SAR1B: variants seen among roughly 807,000 people sequenced by gnomAD.
SAR1B encodes the protein small COPII coat GTPase SAR1B.
Under a neutral mutation model 26.8 loss-of-function variants are expected in SAR1B, and 23 were observed. That is an observed-to-expected ratio of 0.86 (90% CI 0.62 to 1.22). The LOEUF (loss-of-function observed/expected upper bound fraction) is 1.22, where lower values mean the gene tolerates loss of function less well. Among genes scored for constraint, SAR1B ranks in the 50% most tolerant of loss-of-function variants. The probability of loss-of-function intolerance (pLI) is 0.00; values close to 1 mark genes in which losing one functional copy is unlikely to be tolerated. For missense variants in SAR1B, 196 were observed against 232.8 expected (o/e 0.84, Z 1.03); for synonymous variants, 65 against 80.8 (o/e 0.80, Z 1.05).
Position 134,617,793 on chromosome 5 carries a change from T to A in SAR1B, c.178+3140A>T, listed in dbSNP as rs994227398. Among the ~76,000 whole-genome samples the A allele has an allele frequency of 2.6e-5, 4 of 152,140 alleles. No homozygotes were observed. In the East Asian group the frequency reaches 7.7e-4, roughly 29 times the overall value. ...GCCTCCCGGGTTCAAGCAATTCTCC[T>A]GTCTCTGCCTCCCGAGTAGGTGGAA... On this transcript the variant is annotated intron_variant, in intron 3 of 6. Coordinates refer to ENST00000402673, the MANE Select transcript of SAR1B (RefSeq NM_016103.4).
Position 134,612,680 on chromosome 5 carries a change from A to AAAAAAT in SAR1B, c.244+10_244+11insATTTTT. 1.8e-5 allele frequency: 19 copies of AAAAAAT among 1,043,370 alleles called. No homozygotes were observed. The highest frequency in any genetic ancestry group is 2.4e-5 in the Non-Finnish European group (18 of 760,576). 64.6% of individuals were successfully genotyped at this position (1,043,370 alleles called of 1,614,324 possible). A position where few individuals can be genotyped will look rare whatever the true frequency, so the allele number is the denominator to read the frequency against. ...AAAAAAAAAAAAAAAAAAAAAAAAA[A>AAAAAAT]AGAATCTTACCTTGAACATGTCCAC... is the stretch of plus-strand genomic sequence containing the variant. On this transcript the variant is annotated intron_variant, in intron 4 of 6. Transcript: ENST00000402673.
At chr5:134,629,920 C>T (rs936927663) in intron 1 of SAR1B, among the ~76,000 whole-genome samples, 2 of 149,758 alleles carry the variant, frequency 1.3e-5, no homozygotes, top group Non-Finnish European at 3.0e-5. Flanking sequence ...AAAAAGAAAA[C>T]GAAGGATAAA....
In SAR1B at chr5:134,603,979, C is replaced by T. The variant is rs958627787; in HGVS notation, c.*2971G>A. The T allele has an allele frequency of 6.6e-6, 1 of 152,158 alleles. No individual in the cohort carries two copies. Among genetic ancestry groups the T allele is most frequent in the Non-Finnish European group, 1.5e-5 (1 of 68,034 alleles). 9.4% of individuals were successfully genotyped at this position (152,158 alleles called of 1,614,324 possible). On this transcript the variant is annotated 3_prime_UTR_variant, in exon 7 of 7. Transcript: ENST00000402673. ...AGTATCTGTGTTCATATATCTTTGG[C>T]ACTCATACAAAGATACTGGTTTAAA...
At chr5:134,607,570 C>G (rs570328390) in intron 6 of SAR1B, among the ~76,000 whole-genome samples, 1 of 151,846 alleles carries the variant, frequency 6.6e-6, no homozygotes, top group East Asian at 1.9e-4. Context: ...GTCAGGAGTT[C>G]GAGACCAGAC....
In SAR1B at chr5:134,606,891, A is replaced by G. The variant is rs1765136450; in HGVS notation, c.*59T>C. 9.5e-7 allele frequency: 1 copy of G among 1,052,250 alleles called. No individual in the cohort carries two copies. The highest frequency in any genetic ancestry group is 1.3e-5 in the South Asian group (1 of 79,666). 65.2% of individuals were successfully genotyped at this position (1,052,250 alleles called of 1,614,324 possible). A position where few individuals can be genotyped will look rare whatever the true frequency, so the allele number is the denominator to read the frequency against. On this transcript the variant is annotated 3_prime_UTR_variant, in exon 7 of 7. Coordinates refer to ENST00000402673, the MANE Select transcript of SAR1B (RefSeq NM_016103.4). ...TATTGAATTCAAGTTATGCATGTTG[A>G]GCAATCAAATCTCTGAGTAAGCCTG...
chr5:134,617,113 T>A (rs909930739), intron 3 of SAR1B, among the ~76,000 whole-genome samples: 34 of 152,110 alleles, frequency 2.2e-4, no homozygotes, highest in African/African-American at 8.0e-4. Context: ...GTGCCTGTAG[T>A]TCGAGCTACT....
intron 3 of SAR1B, 168 bp from the exon 4 acceptor site, chr5:134,612,924 AAAT>A: frequency 1.6e-6 from 1 of 614,520 alleles, no homozygotes; most frequent in Non-Finnish European, 2.9e-6. Context: ...TAACATTCTT[AAAT>A]ATCTGCCAGC....
intron 6 of SAR1B, among the ~76,000 whole-genome samples, chr5:134,607,989 C>T (rs899831829): frequency 6.6e-6 from 1 of 152,082 alleles, no homozygotes; most frequent in African/African-American, 2.4e-5. Context: ...GTTCAGAAAA[C>T]CGTAAAATAT....
At chr5:134,612,934 C>T (rs760918923) in intron 3 of SAR1B, 178 bp from the exon 4 acceptor site, 24 of 599,088 alleles carry the variant, frequency 4.0e-5, no homozygotes, top group Non-Finnish European at 5.6e-5. Context: ...AAATATCTGC[C>T]AGCCGTAATA....
chr5:134,630,778 CAAAAAAA>C (rs772159748), intron 1 of SAR1B, among the ~76,000 whole-genome samples: 1 of 59,264 alleles, frequency 1.7e-5, no homozygotes, highest in African/African-American at 6.3e-5. Context: ...GACTCCGTCT[CAAAAAAA>C]AAAAAAAAGA....
Position 134,604,707 on chromosome 5 carries a change from AAGATATATTACACC to A in SAR1B, c.*2229_*2242del, listed in dbSNP as rs1249713698. 1.3e-5 allele frequency: 2 copies of A among 152,214 alleles called. No homozygotes were observed. Among genetic ancestry groups the A allele is most frequent in the African/African-American group, 2.4e-5 (1 of 41,456 alleles). 9.4% of individuals were successfully genotyped at this position (152,214 alleles called of 1,614,324 possible). A position where few individuals can be genotyped will look rare whatever the true frequency, so the allele number is the denominator to read the frequency against. On this transcript the variant is annotated 3_prime_UTR_variant, in exon 7 of 7. Coordinates refer to ENST00000402673, the MANE Select transcript of SAR1B (RefSeq NM_016103.4). ...ACAATTAGAATGAGGGTTCTGGAGC[AAGATATATTACACC>A]AGAAAGCATTTTTCCTGGCTAGAGA... is the stretch of plus-strand genomic sequence containing the variant.
chr5:134,617,452 T>C (rs1765332827), intron 3 of SAR1B, among the ~76,000 whole-genome samples: 1 of 152,144 alleles, frequency 6.6e-6, no homozygotes, highest in Non-Finnish European at 1.5e-5. Flanking sequence ...ATGCTTTTGA[T>C]TAATTAAAAA....
At chr5:134,623,131 A>AG (rs1765440591) in intron 2 of SAR1B, among the ~76,000 whole-genome samples, 1 of 148,166 alleles carries the variant, frequency 6.7e-6, no homozygotes, top group Non-Finnish European at 1.5e-5. Flanking sequence ...CAAAAAAAAA[A>AG]AAAAAGAAAA....
At chr5:134,627,801 A>AAAATAAATAAATAAATAAAT (rs199626448) in intron 1 of SAR1B, among the ~76,000 whole-genome samples, 2 of 134,522 alleles carry the variant, frequency 1.5e-5, no homozygotes, top group East Asian at 2.3e-4. Context: ...TCCATCCCAA[A>AAAATAAATAAATAAATAAAT]AAATAAATAA....
intron 3 of SAR1B, among the ~76,000 whole-genome samples, chr5:134,620,615 C>T (rs1489598946): frequency 2.6e-5 from 4 of 152,192 alleles, no homozygotes; most frequent in African/African-American, 9.6e-5. Flanking sequence ...AATCCCAATA[C>T]TTTCGGAGGC....
At chr5:134,615,723 A>G (rs1179294521) in intron 3 of SAR1B, among the ~76,000 whole-genome samples, 1 of 151,918 alleles carries the variant, frequency 6.6e-6, no homozygotes, top group African/African-American at 2.4e-5. Context: ...AGGCTGAGGC[A>G]GGAGAATGGC....
In SAR1B at chr5:134,606,742, T is replaced by C. The variant is rs891347886; in HGVS notation, c.*208A>G. 243 of 534,028 alleles carry C rather than the reference T, an allele frequency of 4.6e-4. 2 individuals carry two copies. Among genetic ancestry groups the C allele is most frequent in the Non-Finnish European group, 2.3e-4 (67 of 294,326 alleles). The allele number at this position is 534,028 out of a possible 1,614,324, so 33.1% of individuals were successfully genotyped here. ...AAACTGTAAAAACCAAGTACTTTTATGGAATTAGAAAGCTAACATTGTGAT... is the reference window on the plus strand; with the variant it reads ...AAACTGTAAAAACCAAGTACTTTTACGGAATTAGAAAGCTAACATTGTGAT... On this transcript the variant is annotated 3_prime_UTR_variant, in exon 7 of 7. Transcript: ENST00000402673.
At chr5:134,631,638 ACTT>A (rs1561791418) in intron 1 of SAR1B, 1 of 152,234 alleles carries the variant, frequency 6.6e-6, no homozygotes, top group Non-Finnish European at 1.5e-5. Flanking sequence ...AGTTAAAAGG[ACTT>A]CTTCACCTCA....
intron 3 of SAR1B, among the ~76,000 whole-genome samples, chr5:134,618,640 T>C (rs1425741220): frequency 6.6e-6 from 1 of 152,248 alleles, no homozygotes; most frequent in Non-Finnish European, 1.5e-5. Context: ...TTACCCACTT[T>C]AACATTAACT....
Sources: allele counts gnomAD v4.1 joint callset (sites outside exome capture counted in the v4.1 genomes callset), GRCh38; gene constraint gnomAD v4.1.1; transcripts MANE v1.5; gene names NCBI Gene and HGNC (gene_info 2026-07-23, HGNC 2026-07-21).